The following SLC9B1 variants were observed in gnomAD, a reference collection of about 807,000 sequenced individuals.
The protein encoded by SLC9B1 is solute carrier family 9 member B1.
Under a neutral mutation model 51.7 loss-of-function variants are expected in SLC9B1, and 32 were observed. The observed-to-expected ratio is 0.62, with a 90% CI of 0.47 to 0.83. The LOEUF (loss-of-function observed/expected upper bound fraction) is 0.83, where lower values mean the gene tolerates loss of function less well. Ranked by LOEUF, SLC9B1 falls within the 40% of genes least tolerant of loss-of-function variation. The probability of loss-of-function intolerance (pLI) is 0.00; values close to 1 mark genes in which losing one functional copy is unlikely to be tolerated. For synonymous variants in SLC9B1, 145 were observed against 212.7 expected (o/e 0.68, Z 2.77); for missense variants, 406 against 613.2 (o/e 0.66, Z 3.57).
chr4:103,000,842 C>T (rs1001704876), intron 1 of SLC9B1, among the ~76,000 whole-genome samples: 1 of 152,198 alleles, frequency 6.6e-6, no homozygotes, highest in Non-Finnish European at 1.5e-5. Context: ...ATTCTGGTGT[C>T]TGGAGAATGA....
intron 3 of SLC9B1, among the ~76,000 whole-genome samples, chr4:102,954,919 C>T (rs1163292915): frequency 6.6e-6 from 1 of 152,062 alleles, no homozygotes; most frequent in East Asian, 1.9e-4. Context: ...AAACTCCCCC[C>T]AAAAATTGCA....
At chr4:102,943,543 G>C (rs993942900) in intron 6 of SLC9B1, among the ~76,000 whole-genome samples, 1 of 72,844 alleles carries the variant, frequency 1.4e-5, no homozygotes, top group Non-Finnish European at 2.7e-5. Flanking sequence ...ACACACCATC[G>C]ACAGAATACT....
intron 3 of SLC9B1, among the ~76,000 whole-genome samples, chr4:102,978,592 T>C (rs1369995396): frequency 1.3e-5 from 2 of 152,048 alleles, no homozygotes; most frequent in African/African-American, 2.4e-5. Flanking sequence ...ATCAAAGAAA[T>C]GCAAATCGAA....
chr4:102,916,220 C>T (rs1735569790), intron 7 of SLC9B1, among the ~76,000 whole-genome samples: 2 of 151,968 alleles, frequency 1.3e-5, no homozygotes, highest in African/African-American at 4.8e-5. Flanking sequence ...TAAAGACACA[C>T]AAAGGTTGAA....
At chr4:102,917,401 A>G (rs1735629542) in intron 7 of SLC9B1, among the ~76,000 whole-genome samples, 1 of 151,548 alleles carries the variant, frequency 6.6e-6, no homozygotes, top group Non-Finnish European at 1.5e-5. Flanking sequence ...TTTCATATAT[A>G]TGTAAATATA....
chr4:102,923,003 T>G (rs911255077), intron 7 of SLC9B1, among the ~76,000 whole-genome samples: 4 of 152,180 alleles, frequency 2.6e-5, no homozygotes, highest in African/African-American at 9.6e-5. Context: ...GTACCATTCT[T>G]TCTGAAACTA....
chr4:102,981,481 A>C (rs1273953109), intron 3 of SLC9B1, among the ~76,000 whole-genome samples: 1 of 152,150 alleles, frequency 6.6e-6, no homozygotes, highest in Non-Finnish European at 1.5e-5. Flanking sequence ...GCAATGAATG[A>C]AAGTTCCTGT....
chr4:102,905,254 TCTGTCGCCCAGACTGGAATA>T (rs1193361766), intron 11 of SLC9B1, among the ~76,000 whole-genome samples: 15 of 149,764 alleles, frequency 1.0e-4, no homozygotes, highest in Admixed American at 2.7e-4. Flanking sequence ...ATGGAGTCAC[TCTGTCGCCCAGACTGGAATA>T]CAGTGGTGCC....
At chr4:103,003,634 G>A (rs771658866) in intron 1 of SLC9B1, among the ~76,000 whole-genome samples, 3 of 152,136 alleles carry the variant, frequency 2.0e-5, no homozygotes, top group Non-Finnish European at 4.4e-5. Context: ...GCATGTGTGA[G>A]CATGCAAAGA....
intron 7 of SLC9B1, among the ~76,000 whole-genome samples, chr4:102,914,780 A>G (rs1237104117): frequency 6.6e-6 from 1 of 152,222 alleles, no homozygotes; most frequent in Admixed American, 6.5e-5. Flanking sequence ...ATGTATTATG[A>G]AAGTGCCAGA....
chr4:102,960,516 G>C (rs1380809507), intron 3 of SLC9B1, among the ~76,000 whole-genome samples: 2 of 152,048 alleles, frequency 1.3e-5, no homozygotes, highest in African/African-American at 4.8e-5. Flanking sequence ...GTGTGGTAAA[G>C]CTGTGGTGAG....
intron 6 of SLC9B1, among the ~76,000 whole-genome samples, chr4:102,944,074 T>C (rs1407045121): frequency 1.3e-5 from 2 of 152,204 alleles, no homozygotes; most frequent in Non-Finnish European, 2.9e-5. Context: ...ATCATGTCCT[T>C]TGGAGCAACG....
intron 11 of SLC9B1, chr4:102,890,112 A>G (rs1014612636): frequency 1.3e-4 from 20 of 152,216 alleles, no homozygotes; most frequent in African/African-American, 4.6e-4. Flanking sequence ...TGAGGTATGA[A>G]TGATTCATTC....
At position 102,989,798 on chromosome 4, in the gene SLC9B1, A is replaced by G. The variant is rs1739851026; in HGVS notation, c.211+2T>C. On this transcript the variant is annotated splice_donor_variant, in intron 3 of 11. Transcript: ENST00000296422. LOFTEE classifies it high-confidence loss of function. ...TTCATTTACATTTTTTGTTTCACAT[A>G]CCATTTGTAATAATTACATTCAATA... is the stretch of plus-strand genomic sequence containing the variant. 1 of 1,557,378 alleles carries G rather than the reference A, an allele frequency of 6.4e-7. No homozygotes were observed. Among genetic ancestry groups the G allele is most frequent in the African/African-American group, 1.4e-5 (1 of 72,442 alleles).
chr4:103,015,897 G>A (rs968619964), intron 1 of SLC9B1, among the ~76,000 whole-genome samples: 4 of 151,878 alleles, frequency 2.6e-5, no homozygotes, highest in Non-Finnish European at 5.9e-5. Context: ...GTGGGAGGCC[G>A]AGGCAGGTGA....
chr4:102,950,717 G>C (rs1357071419), intron 3 of SLC9B1, among the ~76,000 whole-genome samples: 1 of 152,122 alleles, frequency 6.6e-6, no homozygotes. Flanking sequence ...GACCAGGCTG[G>C]GCATGGTGGC....
In SLC9B1 at chr4:102,951,376, T is replaced by C. The variant is rs191656395; in HGVS notation, c.212-1949A>G. ...ACTTAAAATAAGAAGAAATATCCCA[T>C]GAGCAAAAGTTAACAGATACTACAA... On this transcript the variant is annotated intron_variant, in intron 3 of 11. Transcript: ENST00000296422. 5.9e-3 allele frequency among the ~76,000 whole-genome samples: 903 copies of C among 152,188 alleles called. 11 individuals carry two copies. Among genetic ancestry groups the C allele is most frequent in the African/African-American group, 0.021 (857 of 41,522 alleles).
chr4:103,010,894 G>A (rs1741055796), intron 1 of SLC9B1, among the ~76,000 whole-genome samples: 1 of 152,144 alleles, frequency 6.6e-6, no homozygotes, highest in Non-Finnish European at 1.5e-5. Context: ...TCAAACCATA[G>A]CATTTTGCCC....
At chr4:102,892,011 C>T (rs2110410627) in intron 11 of SLC9B1, 1 of 152,272 alleles carries the variant, frequency 6.6e-6, no homozygotes, top group Middle Eastern at 3.4e-3. Flanking sequence ...TAGTCTTTTA[C>T]TGGAAACTTG....
Sources: allele counts gnomAD v4.1 joint callset (sites outside exome capture counted in the v4.1 genomes callset), GRCh38; gene constraint gnomAD v4.1.1; transcripts MANE v1.5; gene names NCBI Gene and HGNC (gene_info 2026-07-23, HGNC 2026-07-21).